The following ATP8A2 variants were observed in gnomAD, a reference collection of about 807,000 sequenced individuals.
ATP8A2 encodes the protein phospholipid-transporting ATPase IB.
In ATP8A2, 100 loss-of-function variants were observed where a neutral mutation model predicts 165.6. The observed-to-expected ratio is 0.60, with a 90% confidence interval of 0.51 to 0.71. The LOEUF (loss-of-function observed/expected upper bound fraction) is 0.71. Ranked by LOEUF, ATP8A2 falls within the 30% of genes least tolerant of loss-of-function variation. The pLI is 0.00. For synonymous variants in ATP8A2, 543 were observed against 548.8 expected (o/e 0.99, Z 0.15); for missense variants, 1,227 against 1,479.5 (o/e 0.83, Z 2.80).
chr13:25,772,765 T>C (rs1045744296), intron 26 of ATP8A2, among the ~76,000 whole-genome samples: 5 of 151,330 alleles, frequency 3.3e-5, no homozygotes, highest in Admixed American at 1.3e-4. Flanking sequence ...TATTTATTAT[T>C]TTTTTTATTC....
In ATP8A2 at chr13:25,469,039, G is replaced by A. The variant is rs1464196778; in HGVS notation, c.139G>A (p.Val47Ile). The change falls in exon 2 of 37, where the codon GTT (valine) becomes ATT (isoleucine). Residue 47 changes from valine (V) to isoleucine (I), a missense_variant. This residue lies in a region of ATP8A2 where 356 missense variants were observed against 394.9 expected (regional missense o/e 0.90). Transcript: ENST00000381655. ...GGATGAGATGTCCCGGGCCACGTCT[G>A]TTGGAGACCAGCTGGAGGCACCCGC... ...AEDEMSRATS[V>I]GDQLEAPART... is the part of the protein sequence containing the mutation. 3 of 1,614,000 alleles carry A rather than the reference G, an allele frequency of 1.9e-6. No individual in the cohort carries two copies. Among genetic ancestry groups the A allele is most frequent in the Non-Finnish European group, 2.5e-6 (3 of 1,179,940 alleles).
At chr13:25,881,585 G>C (rs536330615) in intron 33 of ATP8A2, among the ~76,000 whole-genome samples, 1 of 151,480 alleles carries the variant, frequency 6.6e-6, no homozygotes, top group Admixed American at 6.6e-5. Flanking sequence ...CATGGAGAGA[G>C]AGAGAGAGAA....
chr13:26,008,987 G>A (rs1031327756), intron 35 of ATP8A2, among the ~76,000 whole-genome samples: 7 of 152,196 alleles, frequency 4.6e-5, no homozygotes, highest in South Asian at 2.1e-4. Context: ...CCATTTATGC[G>A]TATTTTTAAA....
intron 15 of ATP8A2, among the ~76,000 whole-genome samples, chr13:25,560,016 T>A (rs2039094576): frequency 6.6e-6 from 1 of 152,084 alleles, no homozygotes; most frequent in African/African-American, 2.4e-5. Flanking sequence ...TTTGTAGAGA[T>A]GAGGTCTCAC....
intron 20 of ATP8A2, among the ~76,000 whole-genome samples, chr13:25,577,638 AG>A (rs1232875241): frequency 2.0e-5 from 3 of 152,112 alleles, no homozygotes; most frequent in African/African-American, 7.2e-5. Flanking sequence ...TCAGTTTCCT[AG>A]GTCAGGCTTT....
At chr13:26,010,667 C>T (rs182417027) in intron 35 of ATP8A2, among the ~76,000 whole-genome samples, 220 of 152,310 alleles carry the variant, frequency 1.4e-3, no homozygotes, top group African/African-American at 4.6e-3. Context: ...ACAGGTGCCA[C>T]GGGCTCACTC....
At chr13:25,616,013 A>ATGC (rs779887035) in intron 24 of ATP8A2, among the ~76,000 whole-genome samples, 14 of 152,140 alleles carry the variant, frequency 9.2e-5, no homozygotes, top group Non-Finnish European at 1.5e-4. Flanking sequence ...GAGTCTCCAC[A>ATGC]TGCTGCTTTG....
At chr13:25,796,558 A>T (rs1367588340) in intron 27 of ATP8A2, among the ~76,000 whole-genome samples, 1 of 152,164 alleles carries the variant, frequency 6.6e-6, no homozygotes, top group Non-Finnish European at 1.5e-5. Flanking sequence ...CCTACTGGGG[A>T]AGAGCCATTT....
At chr13:25,747,529 G>A (rs546189608) in intron 25 of ATP8A2, among the ~76,000 whole-genome samples, 5 of 152,134 alleles carry the variant, frequency 3.3e-5, no homozygotes, top group Non-Finnish European at 5.9e-5. Flanking sequence ...AGAACAGTAC[G>A]TGCTGGAGTG....
intron 1 of ATP8A2, among the ~76,000 whole-genome samples, chr13:25,433,484 G>A (rs1593300552): frequency 6.6e-6 from 1 of 152,220 alleles, no homozygotes; most frequent in East Asian, 1.9e-4. Context: ...TTGTTGCTGA[G>A]GCTGGTCTTG....
intron 25 of ATP8A2, among the ~76,000 whole-genome samples, chr13:25,762,869 T>C (rs2044411653): frequency 6.6e-6 from 1 of 152,234 alleles, no homozygotes; most frequent in Admixed American, 6.5e-5. Flanking sequence ...TAAATAATTT[T>C]TTAAAAAGTG....
At chr13:25,691,751 T>C (rs969102272) in intron 24 of ATP8A2, among the ~76,000 whole-genome samples, 3 of 152,226 alleles carry the variant, frequency 2.0e-5, no homozygotes, top group African/African-American at 7.2e-5. Context: ...TATTCCTAGA[T>C]TGGAAGAAGG....
At chr13:25,809,730 T>A (rs1950819949) in intron 27 of ATP8A2, among the ~76,000 whole-genome samples, 1 of 152,160 alleles carries the variant, frequency 6.6e-6, no homozygotes, top group Non-Finnish European at 1.5e-5. Context: ...TCCTTCTGTA[T>A]TACTTGTGTC....
At chr13:25,759,666 T>TCCC (rs2044340381) in intron 25 of ATP8A2, among the ~76,000 whole-genome samples, 1 of 152,194 alleles carries the variant, frequency 6.6e-6, no homozygotes, top group Non-Finnish European at 1.5e-5. Flanking sequence ...TAATCCCTGT[T>TCCC]TCAGCATGGG....
At chr13:25,674,593 G>C (rs1387018058) in intron 24 of ATP8A2, among the ~76,000 whole-genome samples, 1 of 152,142 alleles carries the variant, frequency 6.6e-6, no homozygotes, top group Non-Finnish European at 1.5e-5. Context: ...ACAGACTTGA[G>C]TGTCAAATTC....
chr13:25,620,285 AAC>A (rs1252112397), intron 24 of ATP8A2, among the ~76,000 whole-genome samples: 1 of 152,190 alleles, frequency 6.6e-6, no homozygotes, highest in African/African-American at 2.4e-5. Flanking sequence ...TCTCACCAGC[AAC>A]AGAGGGACCA....
chr13:25,627,452 A>G (rs1383510063), intron 24 of ATP8A2, among the ~76,000 whole-genome samples: 14 of 152,158 alleles, frequency 9.2e-5, no homozygotes, highest in Non-Finnish European at 1.5e-5. Flanking sequence ...GTAAGGAAGC[A>G]ATTATGGTTA....
intron 1 of ATP8A2, among the ~76,000 whole-genome samples, chr13:25,393,741 C>G (rs1391079445): frequency 6.6e-6 from 1 of 152,162 alleles, no homozygotes; most frequent in African/African-American, 2.4e-5. Context: ...TTTGACTCCT[C>G]TATATAACTT....
intron 29 of ATP8A2, among the ~76,000 whole-genome samples, chr13:25,838,904 T>C (rs1951691497): frequency 6.6e-6 from 1 of 152,240 alleles, no homozygotes; most frequent in South Asian, 2.1e-4. Context: ...GATGTATTAG[T>C]GAAACTAAAG....
Sources: allele counts gnomAD v4.1 joint callset (sites outside exome capture counted in the v4.1 genomes callset), GRCh38; gene constraint gnomAD v4.1.1; regional missense constraint gnomAD v4.1.1; transcripts MANE v1.5; gene names NCBI Gene and HGNC (gene_info 2026-07-23, HGNC 2026-07-21).